CACNA2D3: variants seen among roughly 807,000 people sequenced by gnomAD.
CACNA2D3 encodes the protein voltage-dependent calcium channel subunit alpha-2/delta-3.
Under a neutral mutation model 160.6 loss-of-function variants are expected in CACNA2D3, and 60 were observed. The observed-to-expected ratio is 0.37, with a 90% CI of 0.30 to 0.46. The LOEUF (loss-of-function observed/expected upper bound fraction) is 0.46, where lower values mean the gene tolerates loss of function less well. CACNA2D3 is among the 20% of genes least tolerant of loss of function. The pLI is 1.00. For synonymous variants in CACNA2D3, 558 were observed against 492.9 expected, an observed-to-expected ratio of 1.13 and a Z score of -1.75; for missense variants, 1,205 against 1,365.0, an observed-to-expected ratio of 0.88 and a Z score of 1.85.
chr3:55,008,226 G>T (rs1703138152), intron 33 of CACNA2D3, among the ~76,000 whole-genome samples: 1 of 152,190 alleles, frequency 6.6e-6, no homozygotes, highest in African/African-American at 2.4e-5. Flanking sequence ...GCCTGTGCAG[G>T]AATGGGTGCC....
intron 4 of CACNA2D3, among the ~76,000 whole-genome samples, chr3:54,475,475 A>G (rs946603581): frequency 1.1e-4 from 17 of 152,230 alleles, no homozygotes; most frequent in African/African-American, 4.1e-4. Context: ...CCATTTATTT[A>G]GAACAAATGA....
chr3:54,896,599 G>A (rs981237917), intron 25 of CACNA2D3, 150 bp from the exon 26 acceptor site: 3 of 806,432 alleles, frequency 3.7e-6, no homozygotes, highest in African/African-American at 3.4e-5. Context: ...GGTGCACAGT[G>A]TTAAGTGAGG....
At chr3:54,176,720 C>G (rs956967026) in intron 2 of CACNA2D3, among the ~76,000 whole-genome samples, 3 of 152,160 alleles carry the variant, frequency 2.0e-5, no homozygotes, top group East Asian at 3.8e-4. Flanking sequence ...CTACCCTATA[C>G]TTATTCATTA....
intron 2 of CACNA2D3, among the ~76,000 whole-genome samples, chr3:54,176,374 G>A (rs570201844): frequency 2.6e-5 from 4 of 152,290 alleles, no homozygotes; most frequent in South Asian, 4.1e-4. Flanking sequence ...TTCTGCCTTC[G>A]ATGTATTTCT....
At position 55,033,850 on chromosome 3, in the gene CACNA2D3, AT is replaced by A. The variant is rs1167660315; in HGVS notation, c.2987+15535del. ...ATTTAATATATAATATATATTACAT[AT>A]TAAATATATTTAATATATAATATAT... is the stretch of plus-strand genomic sequence containing the variant. On this transcript the variant is annotated intron_variant, in intron 35 of 37. Transcript: ENST00000474759. Among the ~76,000 whole-genome samples the A allele has an allele frequency of 3.4e-3, 320 of 94,458 alleles. 4 individuals are homozygous for A. The highest frequency in any genetic ancestry group is 7.7e-3 in the South Asian group (27 of 3,508). The allele number at this position is 94,458 out of a possible 152,430, so 62.0% of individuals were successfully genotyped here.
intron 5 of CACNA2D3, among the ~76,000 whole-genome samples, chr3:54,550,531 A>C (rs1702139530): frequency 6.6e-6 from 1 of 152,220 alleles, no homozygotes; most frequent in Non-Finnish European, 1.5e-5. Flanking sequence ...CATGCTGCTG[A>C]TGATACAGTT....
chr3:55,059,865 C>G (rs962919986), intron 35 of CACNA2D3, among the ~76,000 whole-genome samples: 1 of 152,146 alleles, frequency 6.6e-6, no homozygotes, highest in Non-Finnish European at 1.5e-5. Context: ...CCTCTCCAAC[C>G]GTCCCCAGCC....
chr3:54,607,818 A>G (rs1698667367), intron 9 of CACNA2D3, among the ~76,000 whole-genome samples: 1 of 152,242 alleles, frequency 6.6e-6, no homozygotes, highest in Non-Finnish European at 1.5e-5. Flanking sequence ...CCCAAACTGG[A>G]AACAACCCAA....
intron 2 of CACNA2D3, among the ~76,000 whole-genome samples, chr3:54,225,897 A>G (rs531334723): frequency 2.5e-4 from 38 of 151,972 alleles, no homozygotes; most frequent in African/African-American, 8.9e-4. Context: ...CTCCAGAGAG[A>G]ATTTTCTTTA....
chr3:54,512,197 C>T (rs1367515554), intron 5 of CACNA2D3, among the ~76,000 whole-genome samples: 1 of 152,108 alleles, frequency 6.6e-6, no homozygotes, highest in Non-Finnish European at 1.5e-5. Flanking sequence ...CCTGGCCAGC[C>T]ATCGGGCTCG....
At chr3:54,401,088 A>T (rs376239105) in intron 4 of CACNA2D3, among the ~76,000 whole-genome samples, 1 of 152,118 alleles carries the variant, frequency 6.6e-6, no homozygotes, top group Non-Finnish European at 1.5e-5. Context: ...GAAGAATTCA[A>T]TGAATGAAAT....
chr3:54,332,513 G>A (rs1023851896), intron 3 of CACNA2D3, among the ~76,000 whole-genome samples: 3 of 152,200 alleles, frequency 2.0e-5, no homozygotes, highest in Admixed American at 2.0e-4. Flanking sequence ...ATGCCACTTT[G>A]AAACACATCC....
chr3:54,234,032 A>C (rs559287314), intron 2 of CACNA2D3, among the ~76,000 whole-genome samples: 54 of 152,334 alleles, frequency 3.5e-4, no homozygotes, highest in African/African-American at 1.3e-3. Flanking sequence ...TAAACTTAAG[A>C]ATGTCTGCAC....
At chr3:54,428,683 G>A (rs1385639308) in intron 4 of CACNA2D3, among the ~76,000 whole-genome samples, 1 of 150,630 alleles carries the variant, frequency 6.6e-6, no homozygotes, top group African/African-American at 2.4e-5. Flanking sequence ...TCAAAATTTA[G>A]CAAAAAACAA....
chr3:54,542,407 A>G (rs1051463479), intron 5 of CACNA2D3, among the ~76,000 whole-genome samples: 1 of 152,142 alleles, frequency 6.6e-6, no homozygotes, highest in African/African-American at 2.4e-5. Flanking sequence ...GCACAAAGTA[A>G]AGTCCCACAA....
intron 11 of CACNA2D3, among the ~76,000 whole-genome samples, chr3:54,661,761 G>C (rs1023202504): frequency 2.0e-5 from 3 of 151,836 alleles, no homozygotes; most frequent in Admixed American, 6.6e-5. Context: ...GTGGTAAAAG[G>C]CTGACTTAGC....
intron 8 of CACNA2D3, among the ~76,000 whole-genome samples, chr3:54,574,434 T>C (rs7429059): frequency 0.019 from 2,963 of 152,308 alleles, 133 homozygotes; most frequent in East Asian, 0.19. Flanking sequence ...GATCTTGATC[T>C]ATCCAGAGTA....
intron 2 of CACNA2D3, among the ~76,000 whole-genome samples, chr3:54,213,410 C>G (rs1701410849): frequency 6.6e-6 from 1 of 152,188 alleles, no homozygotes; most frequent in African/African-American, 2.4e-5. Flanking sequence ...CTGCCTTAAC[C>G]CCCGGGGAAC....
At chr3:54,828,880 T>C (rs1008126155) in intron 14 of CACNA2D3, among the ~76,000 whole-genome samples, 6 of 152,358 alleles carry the variant, frequency 3.9e-5, no homozygotes, top group Non-Finnish European at 7.3e-5. Context: ...GCAAAATATC[T>C]TTTTTGTAGC....
Sources: allele counts gnomAD v4.1 joint callset (sites outside exome capture counted in the v4.1 genomes callset), GRCh38; gene constraint gnomAD v4.1.1; transcripts MANE v1.5; gene names NCBI Gene and HGNC (gene_info 2026-07-23, HGNC 2026-07-21).